The following EDRF1 variants were observed in gnomAD, a reference collection of about 807,000 sequenced individuals.
The protein encoded by EDRF1 is erythroid differentiation regulatory factor 1.
A neutral mutation model predicts 148.7 loss-of-function variants in EDRF1; 69 were observed. That is an observed-to-expected ratio of 0.46 (90% CI 0.38 to 0.57). EDRF1 has a LOEUF of 0.57. Among genes scored for constraint, EDRF1 ranks in the 20% least tolerant of loss-of-function variants. The pLI, the probability that EDRF1 is intolerant of heterozygous loss-of-function variation, is 0.00. For missense variants in EDRF1, 1,118 were observed against 1,478.7 expected, an observed-to-expected ratio of 0.76 and a Z score of 4.00; for synonymous variants, 515 against 532.8, an observed-to-expected ratio of 0.97 and a Z score of 0.46.
At chr10:125,749,588 C>G in intron 22 of EDRF1, 23 bp downstream of exon 22, 2 of 1,612,584 alleles carry the variant, frequency 1.2e-6, no homozygotes, top group Non-Finnish European at 1.7e-6. Flanking sequence ...TTTCATTTCT[C>G]AGATATGTAT....
chr10:125,720,172 G>A (rs1315403484), intron 1 of EDRF1, among the ~76,000 whole-genome samples: 1 of 152,242 alleles, frequency 6.6e-6, no homozygotes, highest in East Asian at 1.9e-4. Context: ...CCAAAACGTG[G>A]CACAGTCGTG....
chr10:125,720,040 A>G, intron 1 of EDRF1, 125 bp downstream of exon 1: 2 of 801,404 alleles, frequency 2.5e-6, no homozygotes, highest in South Asian at 1.8e-5. Flanking sequence ...ACACCCCCAA[A>G]ACAGGGAGTT....
In EDRF1 at chr10:125,719,764, G is replaced by A. The variant is rs1379050250; in HGVS notation, c.-44G>A. ...GCTTTGGGCCTGCGTTGCTGCTGCT[G>A]CTCCTCCGCTCCCCCGTCGTATCGC... On this transcript the variant is annotated 5_prime_UTR_variant, in exon 1 of 25. Transcript: ENST00000356792. 2 of 1,527,702 alleles carry A rather than the reference G, an allele frequency of 1.3e-6. No homozygotes were observed. The allele number at this position is 1,527,702 out of a possible 1,614,324, so 94.6% of individuals were successfully genotyped here.
At position 125,745,769 on chromosome 10, in the gene EDRF1, A is replaced by G; in HGVS notation, c.2653A>G (p.Lys885Glu). 1 of 1,614,250 alleles carries G rather than the reference A, an allele frequency of 6.2e-7. No homozygotes were observed. Among genetic ancestry groups the G allele is most frequent in the Non-Finnish European group, 8.5e-7 (1 of 1,180,048 alleles). ...GAAAAAAAGCTTTTCTTGTTTTGAA[A>G]AGGGAATTCACAACTTTGAATCAAT... ...LWKKSFSCFEKGIHNFESIED... is the reference protein window; with the variant it reads ...LWKKSFSCFEEGIHNFESIED... Residue 885 changes from lysine (K) to glutamate (E), a missense_variant, in exon 19 of 25, where the codon AAG becomes GAG. Physicochemically the swap from Lys to Glu is moderately conservative, Grantham distance 56. Transcript: ENST00000356792.
chr10:125,737,749 T>G (rs17153483), intron 13 of EDRF1, among the ~76,000 whole-genome samples, 169 bp from the exon 14 acceptor site: 11,061 of 152,294 alleles, frequency 0.073, 566 homozygotes, highest in Non-Finnish European at 0.11. Flanking sequence ...TTTGTCATAA[T>G]AGAATTGTAT....
In EDRF1 at chr10:125,725,792, T is replaced by C. The variant is rs1305618354; in HGVS notation, c.746T>C (p.Phe249Ser). The C allele has an allele frequency of 6.2e-7, 1 of 1,614,016 alleles. No individual in the cohort carries two copies. ...DSEGASWPAP[F>S]EMPSSVSEDP... ...GAAGGGGCTTCATGGCCTGCTCCCT[T>C]CGAAATGCCTTCTTCAGTTTCTGAA... is the stretch of plus-strand genomic sequence containing the variant. The change falls in exon 6 of 25, where the codon TTC (phenylalanine) becomes TCC (serine). Residue 249 changes from phenylalanine (F) to serine (S), a missense_variant. Around this residue, in one of 3 missense-constraint regions of EDRF1, gnomAD observed 954 missense variants for 1,241.4 expected, o/e 0.77. Coordinates refer to ENST00000356792, the MANE Select transcript of EDRF1 (RefSeq NM_001202438.2).
rs1324083735 is a variant in EDRF1 at position 125,747,683 on chromosome 10, G to T, written c.2962G>T (p.Ala988Ser). ...AGATTATGCTCCGTTATCTAGAAAA[G>T]CTCAGGAGCAGGTGATAATATTTGC... ...QQDYAPLSRK[A>S]QEQIEKEVSE... Residue 988 changes from alanine (A) to serine (S), a missense_variant, in exon 20 of 25, where the codon GCT (alanine) becomes TCT (serine). By Grantham distance (99) the Ala-to-Ser change is moderately conservative (BLOSUM62 1). Around this residue, in one of 3 missense-constraint regions of EDRF1, gnomAD observed 954 missense variants for 1,241.4 expected, o/e 0.77. Transcript: ENST00000356792. 2 of 1,614,186 alleles carry T rather than the reference G, an allele frequency of 1.2e-6. No individual in the cohort carries two copies. Among genetic ancestry groups the T allele is most frequent in the South Asian group, 2.2e-5 (2 of 91,076 alleles).
At chr10:125,756,100 A>G (rs1849888367) in intron 24 of EDRF1, among the ~76,000 whole-genome samples, 1 of 152,202 alleles carries the variant, frequency 6.6e-6, no homozygotes, top group South Asian at 2.1e-4. Context: ...ATTTTCTTCT[A>G]AAGCACTGCT....
intron 24 of EDRF1, among the ~76,000 whole-genome samples, chr10:125,757,979 C>T (rs2133766056): frequency 6.6e-6 from 1 of 152,282 alleles, no homozygotes; most frequent in Middle Eastern, 3.4e-3. Flanking sequence ...CTATGTTAGA[C>T]TGTTTGATGT....
rs117298256 is a variant in EDRF1 at position 125,756,765 on chromosome 10, A to G, written c.3545+2920A>G. The G allele has an allele frequency of 6.5e-3, 2,638 of 403,916 alleles. 12 individuals are homozygous for G. The highest frequency in any genetic ancestry group is 9.8e-3 in the Non-Finnish European group (2,040 of 208,772). 25.0% of individuals were successfully genotyped at this position (403,916 alleles called of 1,614,324 possible). A position where few individuals can be genotyped will look rare whatever the true frequency, so the allele number is the denominator to read the frequency against. On this transcript the variant is annotated intron_variant, in intron 24 of 24. Coordinates refer to ENST00000356792, the MANE Select transcript of EDRF1 (RefSeq NM_001202438.2). ...CTTTTATATTAAAATTGGGTTTCCT[A>G]TAGGTGGCAATAGTTGGGTCTTGCT...
In EDRF1 at chr10:125,761,997, G is replaced by C. The variant is rs531325447; in HGVS notation, c.3546-1304G>C. On this transcript the variant is annotated intron_variant, in intron 24 of 24. Coordinates refer to ENST00000356792, the MANE Select transcript of EDRF1 (RefSeq NM_001202438.2). ...CAATCTTAGGCCCAGATTACAGATA[G>C]GGAATGCATTTGGAACAGTCACTTG... is the stretch of plus-strand genomic sequence containing the variant. 5.3e-5 allele frequency among the ~76,000 whole-genome samples: 8 copies of C among 152,292 alleles called. No individual in the cohort carries two copies. In the East Asian group the frequency reaches 1.2e-3, roughly 22 times the overall value.
intron 6 of EDRF1, among the ~76,000 whole-genome samples, chr10:125,727,248 G>A (rs1372060628): frequency 6.6e-6 from 1 of 152,166 alleles, no homozygotes; most frequent in Non-Finnish European, 1.5e-5. Flanking sequence ...TCAGATCATC[G>A]TAGTAGTGGT....
At position 125,719,777 on chromosome 10, in the gene EDRF1, CCCGTCGTATCG is replaced by C. The variant is rs781775003; in HGVS notation, c.-28_-18del. ...GTTGCTGCTGCTGCTCCTCCGCTCC[CCCGTCGTATCG>C]CCTGCCCTGGATCGAAGTGATGGGG... On this transcript the variant is annotated 5_prime_UTR_variant, in exon 1 of 25. Coordinates refer to ENST00000356792, the MANE Select transcript of EDRF1 (RefSeq NM_001202438.2). 5.7e-6 allele frequency: 9 copies of C among 1,580,832 alleles called. 1 individual carries two copies. In the South Asian group the frequency reaches 9.0e-5, roughly 16 times the overall value.
chr10:125,725,366 C>G lies in EDRF1; in HGVS notation c.559C>G (p.Gln187Glu). 1 of 1,613,892 alleles carries G rather than the reference C, an allele frequency of 6.2e-7. No homozygotes were observed. Among genetic ancestry groups the G allele is most frequent in the Non-Finnish European group, 8.5e-7 (1 of 1,179,912 alleles). ...AGAGTTTTATCAAAGACTCATTGAT[C>G]AGAAGTGGCAGAGGAAGAAAAAGAG... ...LKEFYQRLID[Q>E]KWQRKKKSKE... Residue 187 changes from glutamine to glutamate, a missense_variant, in exon 5 of 25, where the codon CAG becomes GAG. By Grantham distance (29) the Gln-to-Glu change is conservative. Transcript: ENST00000356792.
intron 9 of EDRF1, among the ~76,000 whole-genome samples, chr10:125,732,896 C>T (rs1380015640): frequency 6.6e-6 from 1 of 152,006 alleles, no homozygotes; most frequent in Non-Finnish European, 1.5e-5. Context: ...CTGCTCCATC[C>T]CTGTGAAGTA....
At chr10:125,757,143 C>A (rs1019795876) in intron 24 of EDRF1, 6 of 342,470 alleles carry the variant, frequency 1.8e-5, no homozygotes, top group Admixed American at 1.8e-4. Context: ...TCCAGTCTTA[C>A]AATTGGTGTC....
chr10:125,740,911 C>G (rs189001045), intron 16 of EDRF1, 90 bp from the exon 17 acceptor site: 1 of 1,357,286 alleles, frequency 7.4e-7, no homozygotes, highest in Non-Finnish European at 1.0e-6. Context: ...ACAAAGCGTT[C>G]AGCTGGTAAC....
At position 125,752,861 on chromosome 10, in the gene EDRF1, A is replaced by G. The variant is rs1368793005; in HGVS notation, c.3340A>G (p.Thr1114Ala). 18 of 1,614,076 alleles carry G rather than the reference A, an allele frequency of 1.1e-5. No homozygotes were observed. The East Asian group carries it at 4.0e-4, about 36-fold the overall frequency. Reference sequence around the variant, plus strand: ...TGGGGCTCTTGATATAATGGTGAGAACTGAGCACGCATTCCAGCTTATCCA... The same window carrying G: ...TGGGGCTCTTGATATAATGGTGAGAGCTGAGCACGCATTCCAGCTTATCCA... ...LSGALDIMVR[T>A]EHAFQLIQKE... Residue 1114 changes from threonine to alanine, a missense_variant, in exon 23 of 25, where the codon ACT becomes GCT. By Grantham distance (58) the Thr-to-Ala change is moderately conservative. Around this residue, in one of 3 missense-constraint regions of EDRF1, gnomAD observed 954 missense variants for 1,241.4 expected, o/e 0.77. Transcript: ENST00000356792.
At position 125,755,424 on chromosome 10, in the gene EDRF1, T is replaced by C. The variant is rs535171651; in HGVS notation, c.3545+1579T>C. ...TGATATTTTGTTGATAATTTTTGTG[T>C]CTATGCATAGGGGATAGTGGTCTAC... On this transcript the variant is annotated intron_variant, in intron 24 of 24. Coordinates refer to ENST00000356792, the MANE Select transcript of EDRF1 (RefSeq NM_001202438.2). Among the ~76,000 whole-genome samples the C allele has an allele frequency of 8.5e-5, 13 of 152,348 alleles. No individual in the cohort carries two copies. In the East Asian group the frequency reaches 2.1e-3, roughly 25 times the overall value.
Sources: gnomAD v4.1 joint callset for allele counts (sites outside exome capture counted in the v4.1 genomes callset) on GRCh38, gnomAD v4.1.1 for gene constraint, gnomAD v4.1.1 regional missense constraint, MANE v1.5 for transcripts, NCBI Gene and HGNC (gene_info 2026-07-23, HGNC 2026-07-21) for gene names.